The following CUL2 variants were observed in gnomAD, a reference collection of about 807,000 sequenced individuals.
CUL2 encodes the protein cullin-2.
In CUL2, 22 loss-of-function variants were observed where a neutral mutation model predicts 110.2. The observed-to-expected ratio is 0.20, with a 90% CI of 0.14 to 0.28. The LOEUF is 0.28. Among genes scored for constraint, CUL2 ranks in the 10% least tolerant of loss-of-function variants. CUL2 has a pLI of 1.00. For missense variants in CUL2, 631 were observed against 905.5 expected, an observed-to-expected ratio of 0.70 and a Z score of 3.89; for synonymous variants, 279 against 293.2, an observed-to-expected ratio of 0.95 and a Z score of 0.49.
intron 4 of CUL2, among the ~76,000 whole-genome samples, chr10:35,055,332 A>G (rs958739017): frequency 6.6e-6 from 1 of 152,232 alleles, no homozygotes; most frequent in Non-Finnish European, 1.5e-5. Flanking sequence ...GAATATATAC[A>G]CTTTTCAAAA....
At position 35,011,753 on chromosome 10, in the gene CUL2, T is replaced by C; in HGVS notation, c.2106+95A>G. On this transcript the variant is annotated intron_variant, in intron 20 of 20. Coordinates refer to ENST00000374749, the MANE Select transcript of CUL2 (RefSeq NM_003591.4). ...TTCTTTATGCTATCTGAGGATCAGG[T>C]TATTTCTGTATCCTCTTTAAGAAGA... 3 of 647,004 alleles carry C rather than the reference T, an allele frequency of 4.6e-6. No individual in the cohort carries two copies. The East Asian group carries it at 7.9e-5, about 17-fold the overall frequency. 40.1% of individuals were successfully genotyped at this position (647,004 alleles called of 1,614,324 possible).
chr10:35,124,072 C>T (rs1457063076), intron 1 of CUL2, among the ~76,000 whole-genome samples: 1 of 152,164 alleles, frequency 6.6e-6, no homozygotes. Flanking sequence ...AATCCCAACA[C>T]TTTGGGAAGC....
chr10:35,030,970 C>T (rs111972815), intron 14 of CUL2, among the ~76,000 whole-genome samples: 15 of 152,268 alleles, frequency 9.9e-5, no homozygotes, highest in Admixed American at 5.9e-4. Flanking sequence ...TACCACTTAT[C>T]GGTATGTAAG....
chr10:35,102,898 A>G (rs1396585743), intron 1 of CUL2, among the ~76,000 whole-genome samples: 1 of 152,040 alleles, frequency 6.6e-6, no homozygotes, highest in East Asian at 1.9e-4. Flanking sequence ...AAAAAAAAAA[A>G]AATTTTAAGA....
intron 17 of CUL2, among the ~76,000 whole-genome samples, chr10:35,019,517 T>G (rs2085130946): frequency 6.6e-6 from 1 of 152,180 alleles, no homozygotes; most frequent in South Asian, 2.1e-4. Context: ...GATGATTCAT[T>G]TAATTACTGT....
At chr10:35,108,898 T>G (rs1180396133) in intron 1 of CUL2, among the ~76,000 whole-genome samples, 1 of 152,188 alleles carries the variant, frequency 6.6e-6, no homozygotes, top group Non-Finnish European at 1.5e-5. Flanking sequence ...TGATGTTTGC[T>G]GAATTAATGT....
chr10:35,041,783 C>T lies in CUL2; in HGVS notation c.715-2701G>A, dbSNP rs116719864. 8.4e-3 allele frequency among the ~76,000 whole-genome samples: 1,274 copies of T among 152,176 alleles called. 20 individuals carry two copies. The highest frequency in any genetic ancestry group is 0.03 in the African/African-American group (1,231 of 41,498). On this transcript the variant is annotated intron_variant, in intron 8 of 20. Transcript: ENST00000374749. ...AACTCCTGGACTTGCGTAATCTGCC[C>T]GCCTCAGCCTCCCAAAGTGCTGCAA...
intron 2 of CUL2, among the ~76,000 whole-genome samples, chr10:35,066,408 T>C (rs562954000): frequency 2.4e-4 from 37 of 152,152 alleles, no homozygotes; most frequent in Non-Finnish European, 4.4e-4. Context: ...CAAGCAATTA[T>C]CCTGCCTACC....
At chr10:35,036,079 C>T (rs2085614186) in intron 9 of CUL2, among the ~76,000 whole-genome samples, 2 of 152,196 alleles carry the variant, frequency 1.3e-5, no homozygotes, top group South Asian at 4.1e-4. Flanking sequence ...ACAGGCATTA[C>T]CTACACCCAG....
In CUL2 at chr10:35,104,142, A is replaced by G. The variant is rs2087423884; in HGVS notation, c.-50-3082T>C. Among the ~76,000 whole-genome samples the G allele has an allele frequency of 2.6e-5, 4 of 152,274 alleles. No homozygotes were observed. The South Asian group carries it at 8.3e-4, about 32-fold the overall frequency. The stretch of plus-strand genomic sequence containing the variant: ...CACACACGATTTCACACATACATGC[A>G]GGGTCCATAAGATGACACCAGAGGC... On this transcript the variant is annotated intron_variant, in intron 1 of 5. Coordinates refer to the CUL2 transcript ENST00000685421.
chr10:35,027,888 C>T (rs1176980285), intron 16 of CUL2, among the ~76,000 whole-genome samples: 2 of 152,084 alleles, frequency 1.3e-5, no homozygotes, highest in Non-Finnish European at 2.9e-5. Flanking sequence ...GAAGACTATA[C>T]ATCAACAAAT....
intron 2 of CUL2, among the ~76,000 whole-genome samples, chr10:35,097,445 G>A (rs577548848): frequency 5.5e-5 from 8 of 144,282 alleles, no homozygotes; most frequent in East Asian, 4.1e-4. Flanking sequence ...AACTGTGATC[G>A]CACCATTGCC....
At chr10:35,117,653 T>C (rs1039216526) in intron 1 of CUL2, among the ~76,000 whole-genome samples, 2 of 151,872 alleles carry the variant, frequency 1.3e-5, no homozygotes, top group Admixed American at 6.6e-5. Flanking sequence ...AATAGAAGAG[T>C]TGGGAATATA....
At chr10:35,107,892 A>C (rs2135123003) in intron 1 of CUL2, among the ~76,000 whole-genome samples, 1 of 150,322 alleles carries the variant, frequency 6.7e-6, no homozygotes, top group East Asian at 2.0e-4. Flanking sequence ...AAAAAAAAAA[A>C]AAAAAAAAAA....
At chr10:35,032,345 T>C in intron 12 of CUL2, 90 bp downstream of exon 12, 1 of 1,175,126 alleles carries the variant, frequency 8.5e-7, no homozygotes, top group Non-Finnish European at 1.2e-6. Context: ...TGAAAAATGC[T>C]ACAAAAACCA....
chr10:35,018,131 A>AAC (rs1397267795), intron 17 of CUL2, among the ~76,000 whole-genome samples: 1 of 150,230 alleles, frequency 6.7e-6, no homozygotes, highest in Non-Finnish European at 1.5e-5. Context: ...ACAAAAAAAA[A>AAC]AAAAAACTAG....
Position 35,035,427 on chromosome 10 carries a change from C to T in CUL2, c.878-131G>A, listed in dbSNP as rs913255971. On this transcript the variant is annotated intron_variant, in intron 9 of 20. Coordinates refer to ENST00000374749, the MANE Select transcript of CUL2 (RefSeq NM_003591.4). ...CACCCAGAGAAAAGTCCCCCATGCC[C>T]ACCTCCCAGCCACCCAAGCCCCTCT... is the stretch of plus-strand genomic sequence containing the variant. 31 of 836,024 alleles carry T rather than the reference C, an allele frequency of 3.7e-5. No homozygotes were observed. The Admixed American group carries it at 6.0e-4, about 16-fold the overall frequency. The allele number at this position is 836,024 out of a possible 1,614,324, so 51.8% of individuals were successfully genotyped here. A position where few individuals can be genotyped will look rare whatever the true frequency, so the allele number is the denominator to read the frequency against.
chr10:35,018,931 A>C (rs1330209515), intron 17 of CUL2, among the ~76,000 whole-genome samples: 4 of 151,848 alleles, frequency 2.6e-5, no homozygotes, highest in African/African-American at 7.3e-5. Flanking sequence ...TACCAAGAGA[A>C]AAAATTCATA....
At chr10:35,072,827 A>G (rs1219143493) in intron 1 of CUL2, among the ~76,000 whole-genome samples, 1 of 152,218 alleles carries the variant, frequency 6.6e-6, no homozygotes, top group Non-Finnish European at 1.5e-5. Context: ...ATGTTTTAAC[A>G]GCCTCCCTCA....
Sources: allele counts gnomAD v4.1 joint callset (sites outside exome capture counted in the v4.1 genomes callset), GRCh38; gene constraint gnomAD v4.1.1; transcripts MANE v1.5; gene names NCBI Gene and HGNC (gene_info 2026-07-23, HGNC 2026-07-21).